ZNF567: variants seen among roughly 807,000 people sequenced by gnomAD.
ZNF567 encodes the protein zinc finger protein 567.
ZNF567 carries 36 observed loss-of-function variants against 53.9 expected under a neutral mutation model. The ratio of observed to expected loss-of-function variants is 0.67; its 90% CI spans 0.51 to 0.88. The LOEUF (loss-of-function observed/expected upper bound fraction) is 0.88, where lower values mean the gene tolerates loss of function less well. Among genes scored for constraint, ZNF567 ranks in the 40% least tolerant of loss-of-function variants. The pLI is 0.00. For missense variants in ZNF567, 619 were observed against 764.7 expected (o/e 0.81, Z 2.25); for synonymous variants, 224 against 260.4 (o/e 0.86, Z 1.35).
At chr19:36,715,122 T>A (rs2039976571) in intron 5 of ZNF567, among the ~76,000 whole-genome samples, 1 of 152,074 alleles carries the variant, frequency 6.6e-6, no homozygotes, top group East Asian at 1.9e-4. Context: ...TGAAAATCAC[T>A]GACTTTCTCA....
At chr19:36,708,689 C>A (rs2039622344) in intron 3 of ZNF567, among the ~76,000 whole-genome samples, 2 of 152,194 alleles carry the variant, frequency 1.3e-5, no homozygotes, top group African/African-American at 4.8e-5. Flanking sequence ...CAAAATGTTG[C>A]CTTTTGCAGA....
Position 36,712,469 on chromosome 19 carries a change from T to G in ZNF567, c.93T>G (p.Tyr31Ter). Residue 31 changes from tyrosine to a stop codon, truncating the protein, a stop_gained, in exon 4 of 6, where the codon TAT becomes TAG. Transcript: ENST00000682579. LOFTEE classifies it high-confidence loss of function. ...QHLDHAQKTL[Y>*]MDVMLENYCH... ...TGGATCATGCTCAGAAGACTCTATA[T>G]ATGGATGTGATGTTGGAAAACTATT... The G allele has an allele frequency of 6.2e-7, 1 of 1,614,116 alleles. No homozygotes were observed. The highest frequency in any genetic ancestry group is 2.2e-5 in the East Asian group (1 of 44,866).
intron 3 of ZNF567, among the ~76,000 whole-genome samples, chr19:36,707,571 T>G (rs978001826): frequency 1.3e-5 from 2 of 152,154 alleles, no homozygotes; most frequent in Non-Finnish European, 2.9e-5. Context: ...ATGTTTATAA[T>G]CCTGTTTTGT....
At chr19:36,672,640 G>GTT in the ZNF567 span, among the ~76,000 whole-genome samples, 1 of 152,168 alleles carries the variant, frequency 6.6e-6, no homozygotes, top group African/African-American at 2.4e-5. Flanking sequence ...ACCAACATTG[G>GTT]CTCCCCAATA....
intron 3 of ZNF567, among the ~76,000 whole-genome samples, chr19:36,707,845 C>G (rs540955834): frequency 2.3e-3 from 344 of 152,308 alleles, no homozygotes; most frequent in South Asian, 0.011. Flanking sequence ...TCCCAAAGTG[C>G]TGGGATTACA....
the ZNF567 span, among the ~76,000 whole-genome samples, chr19:36,680,812 G>A: frequency 3.3e-5 from 5 of 152,010 alleles, no homozygotes; most frequent in East Asian, 1.9e-4. Flanking sequence ...TTCCACCTCC[G>A]GGGTCACATT....
downstream of ZNF567, among the ~76,000 whole-genome samples, chr19:36,725,605 G>A (rs370359032): frequency 3.5e-4 from 54 of 152,158 alleles, no homozygotes; most frequent in African/African-American, 1.3e-3. Context: ...TCTTGAATCT[G>A]TCTTTTGCCA....
In ZNF567 at chr19:36,719,104, C is replaced by CA; in HGVS notation, c.386dup (p.Asn129LysfsTer5). The stretch of plus-strand genomic sequence containing the variant: ...ACTCTAGGCAAAAACCCTGTGAATT[C>CA]AAAAAATCTACCTCCTGAATATGAT... On this transcript the variant is annotated frameshift_variant, in exon 6 of 6. Coordinates refer to ENST00000682579, the MANE Select transcript of ZNF567 (RefSeq NM_001322917.1). LOFTEE classifies it high-confidence loss of function. 2 of 1,610,752 alleles carry CA rather than the reference C, an allele frequency of 1.2e-6. No individual in the cohort carries two copies. Among genetic ancestry groups the CA allele is most frequent in the East Asian group, 4.5e-5 (2 of 44,822 alleles).
At chr19:36,679,272 C>T in the ZNF567 span, among the ~76,000 whole-genome samples, 8 of 152,100 alleles carry the variant, frequency 5.3e-5, no homozygotes, top group Admixed American at 2.6e-4. Context: ...GGCGACAGCG[C>T]GAGACTCCAT....
upstream of ZNF567, among the ~76,000 whole-genome samples, chr19:36,684,925 A>G (rs1435116037): frequency 6.6e-6 from 1 of 152,160 alleles, no homozygotes; most frequent in East Asian, 1.9e-4. Context: ...TCCCTAATCA[A>G]TCAGGGTGAA....
chr19:36,694,694 G>A lies in ZNF567; in HGVS notation c.-66-108G>A, dbSNP rs537286866. On this transcript the variant is annotated intron_variant, in intron 2 of 5. Coordinates refer to ENST00000682579, the MANE Select transcript of ZNF567 (RefSeq NM_001322917.1). ...ATATTTATGTGGCATGTTCAGAGTGGACAAGGATCAATACAAGGGAAATGG... is the reference window on the plus strand; with the variant it reads ...ATATTTATGTGGCATGTTCAGAGTGAACAAGGATCAATACAAGGGAAATGG... 5.3e-5 allele frequency: 31 copies of A among 582,090 alleles called. No homozygotes were observed. In the South Asian group the frequency reaches 7.3e-4, roughly 14 times the overall value. 36.1% of individuals were successfully genotyped at this position (582,090 alleles called of 1,614,324 possible). A position where few individuals can be genotyped will look rare whatever the true frequency, so the allele number is the denominator to read the frequency against.
intron 3 of ZNF567, among the ~76,000 whole-genome samples, chr19:36,707,373 T>G (rs2039551267): frequency 6.6e-6 from 1 of 152,236 alleles, no homozygotes; most frequent in Non-Finnish European, 1.5e-5. Context: ...TTGCTTAGTT[T>G]ATATTGCTTT....
At chr19:36,681,433 G>T in the ZNF567 span, among the ~76,000 whole-genome samples, 1 of 151,612 alleles carries the variant, frequency 6.6e-6, no homozygotes, top group African/African-American at 2.4e-5. Context: ...ACATTAAGAG[G>T]AGTTTTGTTT....
the ZNF567 span, among the ~76,000 whole-genome samples, chr19:36,673,691 G>GACACAC: frequency 6.6e-6 from 1 of 151,590 alleles, no homozygotes; most frequent in African/African-American, 2.4e-5. Flanking sequence ...CACAGACACA[G>GACACAC]ACACAGACAC....
intron 3 of ZNF567, 37 bp downstream of exon 3, chr19:36,694,913 T>A: frequency 2.0e-6 from 1 of 511,508 alleles, no homozygotes; most frequent in Non-Finnish European, 2.5e-6. Flanking sequence ...CTGAAAGTCT[T>A]TTTTTTTTTT....
At chr19:36,689,188 G>GA (rs371789803) in intron 1 of ZNF567, among the ~76,000 whole-genome samples, 10 of 150,384 alleles carry the variant, frequency 6.6e-5, no homozygotes, top group African/African-American at 2.5e-4. Flanking sequence ...GGACCACACA[G>GA]AAAAAAACTT....
Position 36,719,482 on chromosome 19 carries a change from A to G in ZNF567, c.758A>G (p.His253Arg). ...AGAGCAACCAATATTGAAAAAAAACATACATGCAATGAATGTGGGAAATCT... is the reference window on the plus strand; with the variant it reads ...AGAGCAACCAATATTGAAAAAAAACGTACATGCAATGAATGTGGGAAATCT... ...KRRATNIEKK[H>R]TCNECGKSFC... The change falls in exon 6 of 6, where the codon CAT becomes CGT. Residue 253 changes from histidine to arginine, a missense_variant. Transcript: ENST00000682579. The G allele has an allele frequency of 6.2e-7, 1 of 1,611,422 alleles. No homozygotes were observed. The highest frequency in any genetic ancestry group is 8.5e-7 in the Non-Finnish European group (1 of 1,179,398).
chr19:36,674,692 A>G, the ZNF567 span, among the ~76,000 whole-genome samples: 48,203 of 152,034 alleles, frequency 0.32, 7,941 homozygotes, highest in East Asian at 0.57. Flanking sequence ...TTTTTTTAAC[A>G]TAAGAGAAAT....
At chr19:36,682,423 A>C in the ZNF567 span, among the ~76,000 whole-genome samples, 1 of 151,874 alleles carries the variant, frequency 6.6e-6, no homozygotes, top group East Asian at 1.9e-4. Context: ...ATACTATATG[A>C]TTCCACCTAT....
Sources: allele counts gnomAD v4.1 joint callset (sites outside exome capture counted in the v4.1 genomes callset), GRCh38; gene constraint gnomAD v4.1.1; transcripts MANE v1.5; gene names NCBI Gene and HGNC (gene_info 2026-07-23, HGNC 2026-07-21).